The following CAPN2 variants were observed in gnomAD, a reference collection of about 807,000 sequenced individuals.
CAPN2 encodes calpain-2 catalytic subunit.
CAPN2 carries 92 observed loss-of-function variants against 102.3 expected under a neutral mutation model. The observed-to-expected ratio is 0.90, with a 90% CI of 0.76 to 1.07. The LOEUF is 1.07. CAPN2 is among the 50% of genes least tolerant of loss of function. CAPN2 has a pLI of 0.00. For synonymous variants in CAPN2, 340 were observed against 355.4 expected, an observed-to-expected ratio of 0.96 and a Z score of 0.49; for missense variants, 800 against 909.4, an observed-to-expected ratio of 0.88 and a Z score of 1.55.
At position 223,759,270 on chromosome 1, in the gene CAPN2, TTAAGTGGG is replaced by T; in HGVS notation, c.1319_1326del (p.Leu440SerfsTer62). On this transcript the variant is annotated frameshift_variant and splice_region_variant, in exon 12 of 21. Coordinates refer to ENST00000295006, the MANE Select transcript of CAPN2 (RefSeq NM_001748.5). LOFTEE classifies it high-confidence loss of function. The surrounding 1 kb of genome is among the most constrained non-coding windows in gnomAD (Gnocchi z 4.6). ...CCATGTTTCTCTATTTATTCCTCAGTTAAGTGGGCAGACCAACATCCACCTCAGCAAAA... is the reference window on the plus strand; with the variant it reads ...CCATGTTTCTCTATTTATTCCTCAGTCAGACCAACATCCACCTCAGCAAAA... 1 of 1,613,874 alleles carries T rather than the reference TTAAGTGGG, an allele frequency of 6.2e-7. No individual in the cohort carries two copies. Among genetic ancestry groups the T allele is most frequent in the Non-Finnish European group, 8.5e-7 (1 of 1,179,732 alleles).
In CAPN2 at chr1:223,727,517, C is replaced by T. The variant is rs754445780; in HGVS notation, c.307+9686C>T. Among the ~76,000 whole-genome samples, 1 of 152,090 alleles carries T rather than the reference C, an allele frequency of 6.6e-6. No homozygotes were observed. The highest frequency in any genetic ancestry group is 1.5e-5 in the Non-Finnish European group (1 of 68,030). Reference sequence around the variant, plus strand: ...CAGAGCAGGAGTGAAGGGGGAGGTACTGTGGGGGTCACTGGGCACACAGAA... The same window carrying T: ...CAGAGCAGGAGTGAAGGGGGAGGTATTGTGGGGGTCACTGGGCACACAGAA... On this transcript the variant is annotated intron_variant, in intron 2 of 20. Coordinates refer to ENST00000295006, the MANE Select transcript of CAPN2 (RefSeq NM_001748.5). The surrounding 1 kb of genome is among the most constrained non-coding windows in gnomAD (Gnocchi z 4.1).
At chr1:223,736,341 A>G (rs61823982) in intron 2 of CAPN2, among the ~76,000 whole-genome samples, 4,424 of 152,254 alleles carry the variant, frequency 0.029, 88 homozygotes, top group Non-Finnish European at 0.046. Flanking sequence ...GGAGGATGGC[A>G]TCGGGCAGGT....
intron 4 of CAPN2, 31 bp from the exon 5 acceptor site, chr1:223,746,966 G>C (rs1558070442): frequency 6.3e-7 from 1 of 1,597,556 alleles, no homozygotes; most frequent in African/African-American, 1.3e-5. Context: ...TAGTGTCAAG[G>C]GTAGCGGCAG....
In CAPN2 at chr1:223,746,475, C is replaced by CTTTTTT. The variant is rs60366533; in HGVS notation, c.561-506_561-501dup. Among the ~76,000 whole-genome samples, 24 of 108,462 alleles carry CTTTTTT rather than the reference C, an allele frequency of 2.2e-4. 2 individuals are homozygous for CTTTTTT. The highest frequency in any genetic ancestry group is 1.0e-3 in the African/African-American group (23 of 22,592). 71.2% of individuals were successfully genotyped at this position (108,462 alleles called of 152,430 possible). A position where few individuals can be genotyped will look rare whatever the true frequency, so the allele number is the denominator to read the frequency against. On this transcript the variant is annotated intron_variant, in intron 4 of 20. Coordinates refer to ENST00000295006, the MANE Select transcript of CAPN2 (RefSeq NM_001748.5). ...TCCGACTCTAAGGTTCTACGAGAATCTTTTTTTTTTTTTTTTTTTTTAATA... is the reference window on the plus strand; with the variant it reads ...TCCGACTCTAAGGTTCTACGAGAATCTTTTTTTTTTTTTTTTTTTTTTTTTTTAATA...
At chr1:223,764,542 C>T (rs1003730092) in intron 15 of CAPN2, among the ~76,000 whole-genome samples, 10 of 152,184 alleles carry the variant, frequency 6.6e-5, no homozygotes, top group Non-Finnish European at 1.2e-4. Context: ...CAATCTCTAC[C>T]TCCCAAATTC....
intron 4 of CAPN2, among the ~76,000 whole-genome samples, chr1:223,746,149 T>C (rs1437420817): frequency 1.3e-5 from 2 of 152,130 alleles, no homozygotes; most frequent in Non-Finnish European, 2.9e-5. Flanking sequence ...TTTCTGTTTC[T>C]TACAGTCCCA....
Position 223,755,505 on chromosome 1 carries a change from C to G in CAPN2, c.1161C>G (p.Tyr387Ter). The change falls in exon 10 of 21, where the codon TAC becomes TAG. Residue 387 changes from tyrosine to a stop codon, truncating the protein, a stop_gained. Transcript: ENST00000295006. LOFTEE classifies it high-confidence loss of function. The surrounding 1 kb of genome is among the most constrained non-coding windows in gnomAD (Gnocchi z 4.1). ...YPNTFWMNPQ[Y>*]LIKLEEEDED... ...ACACATTCTGGATGAACCCTCAGTA[C>G]CTGATCAAGCTGGAGGAGGAGGATG... is the stretch of plus-strand genomic sequence containing the variant. 1.2e-6 allele frequency: 2 copies of G among 1,614,086 alleles called. No homozygotes were observed. The highest frequency in any genetic ancestry group is 1.7e-6 in the Non-Finnish European group (2 of 1,180,008).
chr1:223,730,010 C>CAAAAAAAAAAAAAAAA (rs57382658), intron 2 of CAPN2, among the ~76,000 whole-genome samples: 2 of 79,036 alleles, frequency 2.5e-5, no homozygotes, highest in Non-Finnish European at 4.5e-5. Flanking sequence ...CCCAAAAAAC[C>CAAAAAAAAAAAAAAAA]AAAAAAAAAA....
At chr1:223,764,294 G>C (rs978564109) in intron 15 of CAPN2, 87 bp downstream of exon 15, 1 of 1,178,492 alleles carries the variant, frequency 8.5e-7, no homozygotes, top group Non-Finnish European at 1.3e-6. Flanking sequence ...CTCCATGTCT[G>C]GCTGCTGTGA....
intron 5 of CAPN2, among the ~76,000 whole-genome samples, chr1:223,748,573 G>A (rs1660807025): frequency 1.3e-5 from 2 of 152,206 alleles, no homozygotes; most frequent in South Asian, 4.1e-4. Flanking sequence ...CGGAGCATGG[G>A]CTGGTGGTGG....
At position 223,747,060 on chromosome 1, in the gene CAPN2, C is replaced by T. The variant is rs771653698; in HGVS notation, c.624C>T (p.Thr208=). The T allele has an allele frequency of 3.7e-5, 59 of 1,613,936 alleles. No individual in the cohort carries two copies. Among genetic ancestry groups the T allele is most frequent in the Middle Eastern group, 3.3e-4 (2 of 6,084 alleles). The part of the protein sequence containing the change: ...GATTEGFEDF[T]GGIAEWYELK... Reference sequence around the variant, plus strand: ...CCACTGAGGGCTTCGAAGACTTCACCGGAGGCATTGCTGAGTGGTATGAGT... The same window carrying T: ...CCACTGAGGGCTTCGAAGACTTCACTGGAGGCATTGCTGAGTGGTATGAGT... The change falls in exon 5 of 21, where the codon ACC becomes ACT. Residue 208 remains threonine (T), a synonymous_variant. Transcript: ENST00000295006.
In CAPN2 at chr1:223,742,498, G is replaced by GTGTA. The variant is rs531707362; in HGVS notation, c.308-1601_308-1600insGTAT. Among the ~76,000 whole-genome samples the GTGTA allele has an allele frequency of 4.7e-3, 601 of 127,182 alleles. 7 individuals carry two copies. The highest frequency in any genetic ancestry group is 0.017 in the Middle Eastern group (4 of 236). 83.4% of individuals were successfully genotyped at this position (127,182 alleles called of 152,430 possible). A position where few individuals can be genotyped will look rare whatever the true frequency, so the allele number is the denominator to read the frequency against. ...TATTACATATTTTATATATATGTGT[G>GTGTA]TATATATATATATATATATATTTTT... On this transcript the variant is annotated intron_variant, in intron 2 of 20. Transcript: ENST00000295006.
intron 1 of CAPN2, among the ~76,000 whole-genome samples, chr1:223,705,352 G>A (rs1463288467): frequency 1.3e-5 from 2 of 152,184 alleles, no homozygotes; most frequent in African/African-American, 2.4e-5. Flanking sequence ...AGATGTGTTG[G>A]GGAAATGACA....
In CAPN2 at chr1:223,745,410, G is replaced by A. The variant is rs1309248566; in HGVS notation, c.531G>A (p.Trp177Ter). The change falls in exon 4 of 21, where the codon TGG becomes TGA. Residue 177 changes from tryptophan (W) to a stop codon, truncating the protein, a stop_gained. Transcript: ENST00000295006. LOFTEE classifies it high-confidence loss of function. ...FVHSAEGSEF[W>*]SALLEKAYAK... is the part of the protein sequence containing the mutation. ...ATTCAGCCGAAGGGAGCGAGTTCTGGAGCGCCCTGCTGGAGAAGGCATACG... is the reference window on the plus strand; with the variant it reads ...ATTCAGCCGAAGGGAGCGAGTTCTGAAGCGCCCTGCTGGAGAAGGCATACG... 2 of 1,614,218 alleles carry A rather than the reference G, an allele frequency of 1.2e-6. No homozygotes were observed. The highest frequency in any genetic ancestry group is 1.7e-6 in the Non-Finnish European group (2 of 1,180,032).
chr1:223,764,452 ATTTAT>A (rs769877780), intron 15 of CAPN2, among the ~76,000 whole-genome samples: 5 of 151,944 alleles, frequency 3.3e-5, no homozygotes, highest in African/African-American at 9.7e-5. Flanking sequence ...TATTTTTTTA[ATTTAT>A]TTTATTTTAT....
chr1:223,742,784 G>A (rs898877), intron 2 of CAPN2, among the ~76,000 whole-genome samples: 35,840 of 152,030 alleles, frequency 0.24, 7,207 homozygotes, highest in African/African-American at 0.55. Context: ...GCCTCCCAAA[G>A]TGTTGGGATT....
At position 223,756,455 on chromosome 1, in the gene CAPN2, A is replaced by G. The variant is rs1661039383; in HGVS notation, c.1305+806A>G. On this transcript the variant is annotated intron_variant, in intron 10 of 20. Transcript: ENST00000295006. The surrounding 1 kb of genome is among the most constrained non-coding windows in gnomAD (Gnocchi z 4.1). ...AAAGCCCATCTCTTTTCTCTGACCC[A>G]TGTCTGCTGAGGTCCTTCAGCAGCC... Among the ~76,000 whole-genome samples, 1 of 152,204 alleles carries G rather than the reference A, an allele frequency of 6.6e-6. No individual in the cohort carries two copies. Among genetic ancestry groups the G allele is most frequent in the Non-Finnish European group, 1.5e-5 (1 of 68,034 alleles).
At chr1:223,757,272 T>C (rs1161646535) in intron 10 of CAPN2, 97 bp from the exon 11 acceptor site, 1 of 1,339,534 alleles carries the variant, frequency 7.5e-7, no homozygotes, top group Non-Finnish European at 1.1e-6. Context: ...TTGCTAATGC[T>C]ACAGAGAAAA....
chr1:223,752,610 G>C (rs964925044), intron 8 of CAPN2, among the ~76,000 whole-genome samples, 186 bp from the exon 9 acceptor site: 2 of 152,198 alleles, frequency 1.3e-5, no homozygotes, highest in African/African-American at 4.8e-5. Flanking sequence ...AAGTCACCCA[G>C]CTAGAAAGTT....
Sources: gnomAD v4.1 joint callset for allele counts (sites outside exome capture counted in the v4.1 genomes callset) on GRCh38, gnomAD v4.1.1 for gene constraint, Gnocchi (gnomAD v3.1) non-coding constraint, MANE v1.5 for transcripts, NCBI Gene and HGNC (gene_info 2026-07-23, HGNC 2026-07-21) for gene names.